CSMD3: variants seen among roughly 807,000 people sequenced by gnomAD.
CSMD3 encodes CUB and sushi domain-containing protein 3.
In CSMD3, 177 loss-of-function variants were observed where a neutral mutation model predicts 435.2. The observed-to-expected ratio is 0.41, with a 90% CI of 0.36 to 0.46. CSMD3 has a LOEUF of 0.46. Among genes scored for constraint, CSMD3 ranks in the 20% least tolerant of loss-of-function variants. CSMD3 has a pLI of 0.34. For missense variants in CSMD3, 4,265 were observed against 4,504.6 expected, an observed-to-expected ratio of 0.95 and a Z score of 1.52; for synonymous variants, 1,656 against 1,520.5, an observed-to-expected ratio of 1.09 and a Z score of -2.07.
intron 3 of CSMD3, among the ~76,000 whole-genome samples, chr8:113,257,932 T>A (rs2093396908): frequency 6.6e-6 from 1 of 152,184 alleles, no homozygotes; most frequent in Non-Finnish European, 1.5e-5. Flanking sequence ...AAAGTAACAC[T>A]GCCAACATAC....
At chr8:113,231,734 C>A (rs1216315266) in intron 3 of CSMD3, among the ~76,000 whole-genome samples, 2 of 151,250 alleles carry the variant, frequency 1.3e-5, no homozygotes, top group Admixed American at 1.3e-4. Context: ...TTATGGATAG[C>A]AAAAAGCAGT....
At chr8:112,432,392 T>C (rs763646048) in intron 32 of CSMD3, among the ~76,000 whole-genome samples, 1 of 152,222 alleles carries the variant, frequency 6.6e-6, no homozygotes, top group East Asian at 1.9e-4. Flanking sequence ...CAGCTTTGAA[T>C]GCCAGGGCTC....
intron 1 of CSMD3, among the ~76,000 whole-genome samples, chr8:113,328,564 T>C (rs1054646029): frequency 6.6e-6 from 1 of 151,936 alleles, no homozygotes; most frequent in Non-Finnish European, 1.5e-5. Context: ...ATACAGACTT[T>C]ACAGAATTAA....
intron 1 of CSMD3, among the ~76,000 whole-genome samples, chr8:113,375,609 C>T (rs1304745188): frequency 6.6e-6 from 1 of 151,650 alleles, no homozygotes; most frequent in Admixed American, 6.6e-5. Context: ...AATATGGAAC[C>T]CTCCTTAGGA....
chr8:113,165,959 G>A (rs1465525448), intron 4 of CSMD3, among the ~76,000 whole-genome samples: 1 of 152,058 alleles, frequency 6.6e-6, no homozygotes, highest in Non-Finnish European at 1.5e-5. Context: ...AGAACAGGAA[G>A]CTTTGATTTT....
chr8:112,440,104 C>T (rs1185215706), intron 32 of CSMD3, among the ~76,000 whole-genome samples: 1 of 152,152 alleles, frequency 6.6e-6, no homozygotes, highest in African/African-American at 2.4e-5. Context: ...TCCCTTCTAT[C>T]TAAGAGCCTG....
At chr8:112,361,565 A>G (rs904547682) in intron 38 of CSMD3, among the ~76,000 whole-genome samples, 7 of 66,706 alleles carry the variant, frequency 1.0e-4, no homozygotes, top group Non-Finnish European at 2.0e-4. Flanking sequence ...GTATATATAT[A>G]CACATACATA....
chr8:112,503,999 C>T, intron 29 of CSMD3, 22 bp from the exon 30 acceptor site: 1 of 1,445,718 alleles, frequency 6.9e-7, no homozygotes. Context: ...AAGGAAAGAA[C>T]AAAAGAAAGA....
chr8:113,354,780 C>T (rs937585742), intron 1 of CSMD3, among the ~76,000 whole-genome samples: 2 of 152,108 alleles, frequency 1.3e-5, no homozygotes, highest in Non-Finnish European at 2.9e-5. Flanking sequence ...ATTGGGACTA[C>T]AAGCGTGTGT....
At chr8:113,030,893 G>T (rs536210469) in intron 5 of CSMD3, among the ~76,000 whole-genome samples, 1 of 151,516 alleles carries the variant, frequency 6.6e-6, no homozygotes, top group South Asian at 2.1e-4. Flanking sequence ...TTTACAGATG[G>T]CAAATAGTTA....
intron 13 of CSMD3, among the ~76,000 whole-genome samples, chr8:112,718,224 T>C (rs1482328113): frequency 5.3e-5 from 8 of 152,094 alleles, no homozygotes; most frequent in Admixed American, 4.6e-4. Flanking sequence ...TCCTGTTTTG[T>C]AGTGAGCCTG....
In CSMD3 at chr8:113,302,250, T is replaced by C. The variant is rs1005099167; in HGVS notation, c.401+12321A>G. ...ATAATATAATATATAATATAATATA[T>C]ATTATATAAAATATATATAATATAT... On this transcript the variant is annotated intron_variant, in intron 2 of 70. Coordinates refer to ENST00000297405, the MANE Select transcript of CSMD3 (RefSeq NM_198123.2). 3.6e-3 allele frequency among the ~76,000 whole-genome samples: 505 copies of C among 138,762 alleles called. 3 individuals carry two copies. The highest frequency in any genetic ancestry group is 0.012 in the African/African-American group (470 of 37,904). 91.0% of individuals were successfully genotyped at this position (138,762 alleles called of 152,430 possible).
Position 112,650,282 on chromosome 8 carries a change from A to G in CSMD3, c.3072T>C (p.His1024=), listed in dbSNP as rs2131632864. 6.2e-7 allele frequency: 1 copy of G among 1,613,982 alleles called. No individual in the cohort carries two copies. Among genetic ancestry groups the G allele is most frequent in the Non-Finnish European group, 8.5e-7 (1 of 1,179,886 alleles). The part of the protein sequence containing the change: ...GIPVHGRRYG[H]DFSIGSTVSF... ...AAACAGTAGAGCCAATGGAGAAATCATGACCATAGCGACGGCCATGTACAG... is the reference window on the plus strand; with the variant it reads ...AAACAGTAGAGCCAATGGAGAAATCGTGACCATAGCGACGGCCATGTACAG... Residue 1024 remains histidine (H), a synonymous_variant, in exon 19 of 71, where the codon CAT becomes CAC. Transcript: ENST00000297405.
chr8:112,443,967 G>T (rs189746416), intron 32 of CSMD3, among the ~76,000 whole-genome samples: 12 of 152,064 alleles, frequency 7.9e-5, no homozygotes, highest in African/African-American at 2.7e-4. Flanking sequence ...TTCTCATTTT[G>T]CAGAAAAGAA....
chr8:112,867,496 C>A (rs1474390103), intron 10 of CSMD3, among the ~76,000 whole-genome samples: 1 of 152,010 alleles, frequency 6.6e-6, no homozygotes, highest in East Asian at 1.9e-4. Flanking sequence ...ATAGAGTGTG[C>A]TTACTACACA....
intron 1 of CSMD3, among the ~76,000 whole-genome samples, chr8:113,398,815 G>T (rs987321950): frequency 6.6e-6 from 1 of 151,806 alleles, no homozygotes. Flanking sequence ...GTCAAATTTA[G>T]ATAAAAATAT....
intron 32 of CSMD3, among the ~76,000 whole-genome samples, chr8:112,442,693 T>C (rs1403255547): frequency 6.6e-6 from 1 of 152,188 alleles, no homozygotes; most frequent in African/African-American, 2.4e-5. Flanking sequence ...CCCTGCAGCC[T>C]AACGTGTTTC....
chr8:112,331,199 G>A (rs1028804977), intron 45 of CSMD3, among the ~76,000 whole-genome samples: 1 of 151,922 alleles, frequency 6.6e-6, no homozygotes, highest in Non-Finnish European at 1.5e-5. Flanking sequence ...TTTATTTTGA[G>A]TAATTTATCT....
chr8:112,991,651 C>CCAGT (rs1025272678), intron 6 of CSMD3, among the ~76,000 whole-genome samples: 6 of 151,532 alleles, frequency 4.0e-5, no homozygotes, highest in Admixed American at 2.0e-4. Flanking sequence ...AAGTAATATA[C>CCAGT]CAGTCAGTCA....
Sources: gnomAD v4.1 joint callset for allele counts (sites outside exome capture counted in the v4.1 genomes callset) on GRCh38, gnomAD v4.1.1 for gene constraint, MANE v1.5 for transcripts, NCBI Gene and HGNC (gene_info 2026-07-23, HGNC 2026-07-21) for gene names.